The following FBXL13 variants were observed in gnomAD, a reference collection of about 807,000 sequenced individuals.
The protein encoded by FBXL13 is F-box and leucine-rich repeat protein 13.
FBXL13 carries 67 observed loss-of-function variants against 83.6 expected under a neutral mutation model. That is an observed-to-expected ratio of 0.80 (90% CI 0.66 to 0.98). The LOEUF (loss-of-function observed/expected upper bound fraction) is 0.98. Ranked by LOEUF, FBXL13 falls within the 50% of genes least tolerant of loss-of-function variation. The pLI is 0.00. For missense variants in FBXL13, 822 were observed against 866.5 expected (o/e 0.95, Z 0.64); for synonymous variants, 272 against 299.5 (o/e 0.91, Z 0.95).
At chr7:102,963,189 C>T (rs556781989) in intron 8 of FBXL13, among the ~76,000 whole-genome samples, 15 of 151,264 alleles carry the variant, frequency 9.9e-5, no homozygotes, top group African/African-American at 3.6e-4. Context: ...GGCATGGTGG[C>T]GCATGCCTGT....
chr7:102,932,152 G>A (rs574083696), intron 8 of FBXL13, among the ~76,000 whole-genome samples: 1 of 152,242 alleles, frequency 6.6e-6, no homozygotes. Flanking sequence ...GAGGATTATA[G>A]GAGTAAGGGG....
chr7:102,973,496 C>A, intron 6 of FBXL13: 1 of 762,582 alleles, frequency 1.3e-6, no homozygotes, highest in Non-Finnish European at 2.4e-6. Flanking sequence ...GGTGCTGACG[C>A]CATTTTAGGC....
At position 103,071,703 on chromosome 7, in the gene FBXL13, A is replaced by T. The variant is rs548135555; in HGVS notation, c.-105+2543T>A. ...AACCACCAAGCCAGGCCTGATTTTT[A>T]AAAAAATCAGTCTCTATTCAAGAGA... On this transcript the variant is annotated intron_variant, in intron 1 of 19. Transcript: ENST00000313221. Among the ~76,000 whole-genome samples the T allele has an allele frequency of 6.1e-4, 93 of 152,140 alleles. No individual in the cohort carries two copies. The East Asian group carries it at 0.014, about 23-fold the overall frequency.
intron 9 of FBXL13, among the ~76,000 whole-genome samples, chr7:102,927,625 A>G (rs1818374295): frequency 6.6e-6 from 1 of 152,196 alleles, no homozygotes; most frequent in African/African-American, 2.4e-5. Context: ...TTCTATTTGA[A>G]GCTGTAAATC....
At chr7:103,050,396 T>C (rs937791046) in intron 2 of FBXL13, among the ~76,000 whole-genome samples, 9 of 152,164 alleles carry the variant, frequency 5.9e-5, no homozygotes, top group Non-Finnish European at 4.4e-5. Context: ...AGCTGCATCA[T>C]AAAGGAAAAT....
intron 7 of FBXL13, 58 bp downstream of exon 8, chr7:102,967,964 C>A (rs775023018): frequency 2.3e-6 from 3 of 1,309,314 alleles, no homozygotes; most frequent in African/African-American, 1.5e-5. Context: ...GGCTTCACAG[C>A]AGTCCATTCT....
intron 7 of FBXL13, among the ~76,000 whole-genome samples, chr7:102,965,886 A>G (rs1825919044): frequency 6.6e-6 from 1 of 152,070 alleles, no homozygotes; most frequent in African/African-American, 2.4e-5. Context: ...TGACTTCACG[A>G]CCCCTCCTTA....
At chr7:103,060,716 G>A (rs768258640) in intron 1 of FBXL13, among the ~76,000 whole-genome samples, 22 of 152,140 alleles carry the variant, frequency 1.4e-4, no homozygotes, top group Non-Finnish European at 3.1e-4. Context: ...AATACGCTGA[G>A]GGCTGAAATA....
At chr7:103,009,276 A>T (rs1412776794) in intron 6 of FBXL13, among the ~76,000 whole-genome samples, 1 of 152,124 alleles carries the variant, frequency 6.6e-6, no homozygotes, top group Admixed American at 6.5e-5. Context: ...AGAAAACAAA[A>T]GGGCTAGTGA....
intron 9 of FBXL13, among the ~76,000 whole-genome samples, chr7:102,929,654 A>T (rs1453737980): frequency 4.4e-5 from 5 of 113,804 alleles, no homozygotes; most frequent in Non-Finnish European, 8.8e-5. Context: ...ACAGAGTGAG[A>T]CTCCATCTCA....
At chr7:102,987,702 A>C (rs1046974441) in intron 6 of FBXL13, among the ~76,000 whole-genome samples, 4 of 152,224 alleles carry the variant, frequency 2.6e-5, no homozygotes, top group African/African-American at 9.7e-5. Flanking sequence ...CTAATCACTA[A>C]TGGGACGTGG....
At chr7:102,998,850 A>G (rs991264463) in intron 6 of FBXL13, among the ~76,000 whole-genome samples, 3 of 151,866 alleles carry the variant, frequency 2.0e-5, no homozygotes, top group African/African-American at 7.2e-5. Flanking sequence ...TAAAAATATA[A>G]TATCATGTCC....
chr7:103,055,116 TC>T, intron 2 of FBXL13: 2 of 1,289,182 alleles, frequency 1.6e-6, no homozygotes, highest in Non-Finnish European at 2.0e-6. Flanking sequence ...AAAAAGTTGT[TC>T]CAGGTAAGTT....
In FBXL13 at chr7:103,033,494, T is replaced by C. The variant is rs539038614; in HGVS notation, c.1-4076A>G. Among the ~76,000 whole-genome samples the C allele has an allele frequency of 3.1e-3, 471 of 152,320 alleles. 4 individuals carry two copies. The highest frequency in any genetic ancestry group is 5.8e-3 in the South Asian group (28 of 4,826). On this transcript the variant is annotated intron_variant, in intron 2 of 19. Coordinates refer to ENST00000313221, the Ensembl canonical transcript of FBXL13. ...TGTCTGGAGTTTGTTCCTTCTGATG[T>C]TCGGATGTGTTCGGAGTTTCTTCCT...
In FBXL13 at chr7:103,064,175, C is replaced by T. The variant is rs73410130; in HGVS notation, c.-104-8428G>A. ...CAGAGAGGGTATATCCAACCAGCAT[C>T]CTGATCTAAATCAGCTTGGATTACA... is the stretch of plus-strand genomic sequence containing the variant. On this transcript the variant is annotated intron_variant, in intron 1 of 19. Coordinates refer to ENST00000313221, the Ensembl canonical transcript of FBXL13. 6.7e-3 allele frequency among the ~76,000 whole-genome samples: 1,026 copies of T among 152,298 alleles called. 12 individuals carry two copies. Among genetic ancestry groups the T allele is most frequent in the African/African-American group, 0.023 (948 of 41,564 alleles).
At chr7:103,023,620 G>T (rs1414948736) in intron 6 of FBXL13, among the ~76,000 whole-genome samples, 1 of 152,102 alleles carries the variant, frequency 6.6e-6, no homozygotes, top group Non-Finnish European at 1.5e-5. Flanking sequence ...TCCCATTATT[G>T]GGTATATGCC....
chr7:102,833,588 G>A (rs943002284), intron 17 of FBXL13, among the ~76,000 whole-genome samples: 2 of 150,656 alleles, frequency 1.3e-5, no homozygotes, highest in South Asian at 2.1e-4. Flanking sequence ...CACCACGCCC[G>A]GCTAATTCTT....
intron 6 of FBXL13, among the ~76,000 whole-genome samples, chr7:102,981,756 C>G (rs140802472): frequency 1.6e-4 from 25 of 152,254 alleles, no homozygotes; most frequent in African/African-American, 6.0e-4. Flanking sequence ...GGCACTAATC[C>G]CATTCATGAG....
chr7:102,876,126 T>C (rs1029526317), intron 16 of FBXL13, among the ~76,000 whole-genome samples: 3 of 152,128 alleles, frequency 2.0e-5, no homozygotes, highest in African/African-American at 7.2e-5. Context: ...TCTAGGACTG[T>C]GGACCTAAGA....
Sources: allele counts gnomAD v4.1 joint callset (sites outside exome capture counted in the v4.1 genomes callset), GRCh38; gene constraint gnomAD v4.1.1; transcripts MANE v1.5; gene names NCBI Gene and HGNC (gene_info 2026-07-23, HGNC 2026-07-21).